Variants in ZP3 observed in about 807,000 individuals in gnomAD.
ZP3 encodes the protein zona pellucida sperm-binding protein 3.
Under a neutral mutation model 35.6 loss-of-function variants are expected in ZP3, and 21 were observed. The observed-to-expected ratio is 0.59, with a 90% CI of 0.42 to 0.85. The LOEUF (loss-of-function observed/expected upper bound fraction) is 0.85, where lower values mean the gene tolerates loss of function less well. ZP3 is among the 40% of genes least tolerant of loss of function. ZP3 has a pLI of 0.00. For synonymous variants in ZP3, 207 were observed against 214.5 expected (o/e 0.96, Z 0.31); for missense variants, 437 against 536.5 (o/e 0.81, Z 1.83).
Position 76,440,589 on chromosome 7 carries a change from T to G in ZP3, c.1038T>G (p.Ser346=), listed in dbSNP as rs141493396. The part of the protein sequence containing the change: ...QPHVMSQWSR[S]ASRNRRHVTE... ...ATGTCATGAGCCAGTGGTCCAGGTC[T>G]GCTTCCCGTAACCGCAGGCATGGTA... The change falls in exon 7 of 8, where the codon TCT becomes TCG. Residue 346 remains serine, a synonymous_variant. Transcript: ENST00000394857. The G allele has an allele frequency of 4.2e-4, 674 of 1,613,406 alleles. 2 individuals are homozygous for G. Among genetic ancestry groups the G allele is most frequent in the Admixed American group, 1.6e-3 (93 of 59,938 alleles).
chr7:76,425,069 T>A lies in ZP3; in HGVS notation c.105T>A (p.Pro35=). Reference sequence around the variant, plus strand: ...TCTTGCAGGGTGGAGCCAGCCATCCTGAGACGTCCGTACAGCCCGTACTGG... The same window carrying A: ...TCTTGCAGGGTGGAGCCAGCCATCCAGAGACGTCCGTACAGCCCGTACTGG... The part of the protein sequence containing the change: ...LWLLQGGASH[P]ETSVQPVLVE... Residue 35 remains proline, a synonymous_variant, in exon 1 of 8, where the codon CCT becomes CCA. Coordinates refer to ENST00000394857, the MANE Select transcript of ZP3 (RefSeq NM_001110354.2). 6.2e-7 allele frequency: 1 copy of A among 1,613,060 alleles called. No homozygotes were observed. Among genetic ancestry groups the A allele is most frequent in the Non-Finnish European group, 8.5e-7 (1 of 1,179,762 alleles).
At chr7:76,426,515 T>A (rs1241835646) in intron 1 of ZP3, among the ~76,000 whole-genome samples, 1 of 152,148 alleles carries the variant, frequency 6.6e-6, no homozygotes, top group Non-Finnish European at 1.5e-5. Context: ...TCCTGGGCTC[T>A]CTTTGAGGAC....
chr7:76,433,698 A>C, intron 4 of ZP3, 51 bp downstream of exon 4: 2 of 1,536,692 alleles, frequency 1.3e-6, no homozygotes, highest in Non-Finnish European at 1.8e-6. Flanking sequence ...AATGACCCTA[A>C]AGCCACCTGT....
At chr7:76,405,091 T>A (rs1405650176) in intron 1 of ZP3, among the ~76,000 whole-genome samples, 1 of 149,406 alleles carries the variant, frequency 6.7e-6, no homozygotes. Flanking sequence ...AATTAAATTT[T>A]AAAAATACAA....
chr7:76,416,845 T>TAC (rs1455632057), intron 1 of ZP3, among the ~76,000 whole-genome samples: 4 of 149,650 alleles, frequency 2.7e-5, no homozygotes, highest in African/African-American at 1.0e-4. Flanking sequence ...CATACATATA[T>TAC]ACACACATAC....
intron 2 of ZP3, among the ~76,000 whole-genome samples, chr7:76,430,404 G>A (rs1563699691): frequency 6.6e-6 from 1 of 152,082 alleles, no homozygotes; most frequent in Non-Finnish European, 1.5e-5. Flanking sequence ...GGGTGCAGGG[G>A]ACTTTGTCCC....
chr7:76,403,449 T>C (rs1388895307), intron 1 of ZP3, among the ~76,000 whole-genome samples: 2 of 151,520 alleles, frequency 1.3e-5, no homozygotes, highest in Non-Finnish European at 2.9e-5. Context: ...ACAATTCTCC[T>C]GCCTCAGCCT....
intron 1 of ZP3, among the ~76,000 whole-genome samples, chr7:76,427,414 G>T (rs914254637): frequency 6.6e-6 from 1 of 151,378 alleles, no homozygotes; most frequent in African/African-American, 2.4e-5. Flanking sequence ...CTACTCAGGA[G>T]TCTGAGGCAG....
rs528001072 is a variant in ZP3, at chr7:76,415,364, C to CAAAAAAAAAAAAAAAAAAAAAAAAAAA, written c.-66-9673_-66-9672insAAAAAAAAAAAAAAAAAAAAAAAAAAA. ...CTGGCGATAGAGTGAGACTCCGTCTCAAAAAAAAAAAAAAAGGTCTGGAAT... is the reference window on the plus strand; with the variant it reads ...CTGGCGATAGAGTGAGACTCCGTCTCAAAAAAAAAAAAAAAAAAAAAAAAAAAAAAAAAAAAAAAAAAGGTCTGGAAT... On this transcript the variant is annotated intron_variant, in intron 1 of 8. Coordinates refer to the ZP3 transcript ENST00000336517. Among the ~76,000 whole-genome samples, 56 of 63,492 alleles carry CAAAAAAAAAAAAAAAAAAAAAAAAAAA rather than the reference C, an allele frequency of 8.8e-4. 5 individuals are homozygous for CAAAAAAAAAAAAAAAAAAAAAAAAAAA. The East Asian group carries it at 0.01, about 11-fold the overall frequency. The allele number at this position is 63,492 out of a possible 152,430, so 41.7% of individuals were successfully genotyped here.
upstream of ZP3, chr7:76,424,930 G>T: frequency 6.7e-7 from 1 of 1,487,576 alleles, no homozygotes; most frequent in South Asian, 1.3e-5. Flanking sequence ...GGTATAAGAT[G>T]GCCAGAGGCG....
Position 76,433,391 on chromosome 7 carries a change from G to A in ZP3, c.536-79G>A, listed in dbSNP as rs1367440357. ...GCTGGTCTCGAACTCCTGACCTCAGGTGATCCACCTGCCTCAGCCTCCCAA... is the reference window on the plus strand; with the variant it reads ...GCTGGTCTCGAACTCCTGACCTCAGATGATCCACCTGCCTCAGCCTCCCAA... On this transcript the variant is annotated intron_variant, in intron 3 of 7. Coordinates refer to ENST00000394857, the MANE Select transcript of ZP3 (RefSeq NM_001110354.2). 11 of 1,495,696 alleles carry A rather than the reference G, an allele frequency of 7.4e-6. No individual in the cohort carries two copies. In the East Asian group the frequency reaches 1.8e-4, roughly 25 times the overall value. The allele number at this position is 1,495,696 out of a possible 1,614,324, so 92.7% of individuals were successfully genotyped here. A position where few individuals can be genotyped will look rare whatever the true frequency, so the allele number is the denominator to read the frequency against.
chr7:76,429,708 T>C, intron 2 of ZP3, 75 bp downstream of exon 2: 1 of 1,259,330 alleles, frequency 7.9e-7, no homozygotes, highest in Non-Finnish European at 1.2e-6. Flanking sequence ...GGGCTGGCTA[T>C]GGGCTACAGC....
chr7:76,431,499 A>G (rs1805823543), intron 2 of ZP3, among the ~76,000 whole-genome samples: 1 of 152,112 alleles, frequency 6.6e-6, no homozygotes, highest in African/African-American at 2.4e-5. Flanking sequence ...TTAGCAGGGT[A>G]GGTATCTGCA....
Position 76,433,505 on chromosome 7 carries a change from C to T in ZP3, c.571C>T (p.His191Tyr). The T allele has an allele frequency of 6.2e-7, 1 of 1,613,992 alleles. No homozygotes were observed. Among genetic ancestry groups the T allele is most frequent in the Non-Finnish European group, 8.5e-7 (1 of 1,179,968 alleles). ...WNAEKRSPTF[H>Y]LGDAAHLQAE... Reference sequence around the variant, plus strand: ...CGCTGAGAAGAGGTCCCCCACCTTCCACCTGGGAGATGCAGCCCACCTCCA... The same window carrying T: ...CGCTGAGAAGAGGTCCCCCACCTTCTACCTGGGAGATGCAGCCCACCTCCA... Residue 191 changes from histidine (H) to tyrosine (Y), a missense_variant, in exon 4 of 8, where the codon CAC becomes TAC. His to Tyr is a moderately conservative substitution (Grantham distance 83). Around this residue, in one of 6 missense-constraint regions of ZP3, gnomAD observed 352 missense variants for 308.4 expected, o/e 1.14. Transcript: ENST00000394857.
intron 5 of ZP3, among the ~76,000 whole-genome samples, chr7:76,436,271 A>T (rs1806006006): frequency 6.6e-6 from 1 of 151,908 alleles, no homozygotes; most frequent in Non-Finnish European, 1.5e-5. Flanking sequence ...GGTCTTGAAT[A>T]CCCGACCTCA....
intron 1 of ZP3, among the ~76,000 whole-genome samples, chr7:76,417,499 A>G (rs1254966139): frequency 1.3e-5 from 2 of 152,142 alleles, no homozygotes; most frequent in Non-Finnish European, 2.9e-5. Flanking sequence ...CTATGTATGT[A>G]TATGTGTCTG....
chr7:76,399,006 G>T (rs1470478198), intron 1 of ZP3, among the ~76,000 whole-genome samples: 1 of 152,036 alleles, frequency 6.6e-6, no homozygotes, highest in Non-Finnish European at 1.5e-5. Flanking sequence ...TTTTGTTGTT[G>T]TTTTTTATTT....
chr7:76,413,852 A>AGACAAAGT (rs937396594), intron 1 of ZP3, among the ~76,000 whole-genome samples: 1 of 152,042 alleles, frequency 6.6e-6, no homozygotes, highest in African/African-American at 2.4e-5. Context: ...TTTTTTGAAG[A>AGACAAAGT]GACAAAGTCT....
chr7:76,404,482 A>G (rs1804935355), intron 1 of ZP3: 2 of 1,613,482 alleles, frequency 1.2e-6, no homozygotes, highest in African/African-American at 1.3e-5. Flanking sequence ...TCAAGGCGCC[A>G]GGGAGAAGTC....
Sources: allele counts gnomAD v4.1 joint callset (sites outside exome capture counted in the v4.1 genomes callset), GRCh38; gene constraint gnomAD v4.1.1; regional missense constraint gnomAD v4.1.1; transcripts MANE v1.5; gene names NCBI Gene and HGNC (gene_info 2026-07-23, HGNC 2026-07-21).